Variants in ZBED4 observed in about 807,000 individuals in gnomAD.
ZBED4 encodes the protein zinc finger BED-type containing 4.
Under a neutral mutation model 15.5 loss-of-function variants are expected in ZBED4, and 4 were observed. The observed-to-expected ratio is 0.26, with a 90% CI of 0.13 to 0.59. The LOEUF is 0.59. Ranked by LOEUF, ZBED4 falls within the 20% of genes least tolerant of loss-of-function variation. ZBED4 has a pLI of 0.90. For synonymous variants in ZBED4, 692 were observed against 608.5 expected, an observed-to-expected ratio of 1.14 and a Z score of -2.02; for missense variants, 1,323 against 1,461.8, an observed-to-expected ratio of 0.91 and a Z score of 1.55.
At chr22:49,862,217 C>A (rs117968494) in intron 1 of ZBED4, among the ~76,000 whole-genome samples, 1,559 of 152,326 alleles carry the variant, frequency 0.01, 18 homozygotes, top group South Asian at 0.067. Context: ...TGCGTGGAAC[C>A]TATACGGAGC....
intron 1 of ZBED4, among the ~76,000 whole-genome samples, chr22:49,864,665 T>A (rs1010273064): frequency 6.6e-6 from 1 of 151,654 alleles, no homozygotes; most frequent in Admixed American, 6.6e-5. Context: ...AAAAATGTTT[T>A]AAAATATTAG....
intron 1 of ZBED4, among the ~76,000 whole-genome samples, chr22:49,865,114 C>T (rs2060316003): frequency 1.3e-5 from 2 of 152,040 alleles, no homozygotes; most frequent in Non-Finnish European, 2.9e-5. Context: ...TTGTGTGAAC[C>T]TCATAGAGTG....
intron 1 of ZBED4, among the ~76,000 whole-genome samples, chr22:49,858,047 G>T (rs1003406793): frequency 6.6e-6 from 1 of 152,126 alleles, no homozygotes; most frequent in Non-Finnish European, 1.5e-5. Context: ...GACTACAGGC[G>T]TGAGCCACCG....
At chr22:49,881,935 A>T (rs1466192576) in intron 1 of ZBED4, among the ~76,000 whole-genome samples, 1 of 152,202 alleles carries the variant, frequency 6.6e-6, no homozygotes, top group Non-Finnish European at 1.5e-5. Context: ...GGGAGCTAGC[A>T]GTTTTTATTA....
In ZBED4 at chr22:49,864,839, A is replaced by AAAAAG. The variant is rs1555922729; in HGVS notation, c.-330+10850_-330+10851insAAAAG. 5.5e-3 allele frequency among the ~76,000 whole-genome samples: 727 copies of AAAAAG among 133,060 alleles called. 64 individuals carry two copies. The highest frequency in any genetic ancestry group is 0.024 in the African/African-American group (652 of 27,322). The allele number at this position is 133,060 out of a possible 152,430, so 87.3% of individuals were successfully genotyped here. A position where few individuals can be genotyped will look rare whatever the true frequency, so the allele number is the denominator to read the frequency against. On this transcript the variant is annotated intron_variant, in intron 1 of 1. Transcript: ENST00000216268. Reference sequence around the variant, plus strand: ...TGTCTCCAAAAAAAAAAAAAAAAAAAGCCCTGATTAAACCGTCGTAGAGCT... The same window carrying AAAAAG: ...TGTCTCCAAAAAAAAAAAAAAAAAAAAAAAGGCCCTGATTAAACCGTCGTAGAGCT...
At position 49,885,577 on chromosome 22, in the gene ZBED4, T is replaced by C; in HGVS notation, c.1915T>C (p.Ser639Pro). ...VPRGTELSGA[S>P]SFDDTNEKFY... ...GCGGGGCACAGAATTATCAGGCGCTTCCTCTTTTGATGACACCAATGAGAA... is the reference window on the plus strand; with the variant it reads ...GCGGGGCACAGAATTATCAGGCGCTCCCTCTTTTGATGACACCAATGAGAA... Residue 639 changes from serine to proline, a missense_variant, in exon 2 of 2, where the codon TCC (serine) becomes CCC (proline). Transcript: ENST00000216268. The C allele has an allele frequency of 6.2e-7, 1 of 1,603,344 alleles. No homozygotes were observed. The highest frequency in any genetic ancestry group is 8.5e-7 in the Non-Finnish European group (1 of 1,171,670).
At chr22:49,870,822 C>T (rs1298312560) in intron 1 of ZBED4, among the ~76,000 whole-genome samples, 2 of 151,980 alleles carry the variant, frequency 1.3e-5, no homozygotes, top group East Asian at 3.9e-4. Flanking sequence ...TGCAGAGGCT[C>T]TTTAGTTAGG....
At position 49,888,269 on chromosome 22, in the gene ZBED4, A is replaced by G. The variant is rs4624; in HGVS notation, c.*1091A>G. ...AAAAAGATTCATTTTCTCATTTTAA[A>G]CCAATTAAATATTCTGAGTGAGACT... is the stretch of plus-strand genomic sequence containing the variant. On this transcript the variant is annotated 3_prime_UTR_variant, in exon 2 of 2. Coordinates refer to ENST00000216268, the MANE Select transcript of ZBED4 (RefSeq NM_014838.3). 0.66 allele frequency: 110,206 copies of G among 166,866 alleles called. 40,838 individuals are homozygous for G. The highest frequency in any genetic ancestry group is 0.85 in the East Asian group (4,544 of 5,328). The allele number at this position is 166,866 out of a possible 1,614,324, so 10.3% of individuals were successfully genotyped here. A position where few individuals can be genotyped will look rare whatever the true frequency, so the allele number is the denominator to read the frequency against.
chr22:49,865,084 G>A (rs575343744), intron 1 of ZBED4, among the ~76,000 whole-genome samples: 22 of 152,028 alleles, frequency 1.4e-4, no homozygotes, highest in Admixed American at 1.1e-3. Context: ...TGAGAAATGC[G>A]TTACTCAGCG....
chr22:49,879,015 C>T (rs548511848), intron 1 of ZBED4, among the ~76,000 whole-genome samples: 5 of 149,492 alleles, frequency 3.3e-5, no homozygotes, highest in African/African-American at 4.9e-5. Context: ...TGTGGTGGCG[C>T]GTGCCTGTAG....
At chr22:49,874,174 T>C (rs4824106) in intron 1 of ZBED4, among the ~76,000 whole-genome samples, 97,826 of 152,078 alleles carry the variant, frequency 0.64, 35,663 homozygotes, top group East Asian at 0.85. Flanking sequence ...CTGTATAGAA[T>C]ATGCCGAGGG....
Position 49,884,756 on chromosome 22 carries a change from C to T in ZBED4, c.1094C>T (p.Pro365Leu), listed in dbSNP as rs143906560. 286 of 1,595,544 alleles carry T rather than the reference C, an allele frequency of 1.8e-4. No homozygotes were observed. The highest frequency in any genetic ancestry group is 4.3e-4 in the Admixed American group (25 of 58,780). ...PPTLLPSLLP[P>L]EGELSSVSSS... is the part of the protein sequence containing the mutation. ...ACTCTGCTGCCTTCCTTGCTGCCGC[C>T]GGAGGGGGAGCTCAGCTCTGTGTCC... is the stretch of plus-strand genomic sequence containing the variant. Residue 365 changes from proline (P) to leucine (L), a missense_variant, in exon 2 of 2, where the codon CCG becomes CTG. Around this residue, in one of 6 missense-constraint regions of ZBED4, gnomAD observed 429 missense variants for 397.9 expected, o/e 1.08. Coordinates refer to ENST00000216268, the MANE Select transcript of ZBED4 (RefSeq NM_014838.3).
intron 1 of ZBED4, among the ~76,000 whole-genome samples, chr22:49,868,777 C>T (rs989141118): frequency 3.3e-5 from 5 of 151,892 alleles, no homozygotes; most frequent in Non-Finnish European, 7.4e-5. Flanking sequence ...GGAAATCTGC[C>T]AGGAGGGTGG....
intron 1 of ZBED4, among the ~76,000 whole-genome samples, chr22:49,862,872 T>C (rs1412442062): frequency 2.0e-5 from 3 of 151,928 alleles, no homozygotes; most frequent in Admixed American, 2.0e-4. Flanking sequence ...TGGCTAATTT[T>C]TGTAGTTTTA....
At chr22:49,865,426 A>G (rs1415077741) in intron 1 of ZBED4, among the ~76,000 whole-genome samples, 1 of 151,972 alleles carries the variant, frequency 6.6e-6, no homozygotes, top group Non-Finnish European at 1.5e-5. Flanking sequence ...AGGCGGGCGG[A>G]ACTCCTGAGT....
chr22:49,863,191 G>C (rs2060305290), intron 1 of ZBED4, among the ~76,000 whole-genome samples: 1 of 152,102 alleles, frequency 6.6e-6, no homozygotes. Context: ...TGGTTGGTTG[G>C]TTGGTTGGTT....
rs995253622 is a variant in ZBED4, at chr22:49,878,256, C to T, written c.-329-5078C>T. Among the ~76,000 whole-genome samples, 11 of 143,286 alleles carry T rather than the reference C, an allele frequency of 7.7e-5. 1 individual carries two copies. The highest frequency in any genetic ancestry group is 1.5e-4 in the Admixed American group (2 of 13,274). 94.0% of individuals were successfully genotyped at this position (143,286 alleles called of 152,430 possible). A position where few individuals can be genotyped will look rare whatever the true frequency, so the allele number is the denominator to read the frequency against. On this transcript the variant is annotated intron_variant, in intron 1 of 1. Coordinates refer to ENST00000216268, the MANE Select transcript of ZBED4 (RefSeq NM_014838.3). ...GGAGGCGGAGGTTACAGTGAGCCAA[C>T]GCACCACTGCACTCCAACCTGGGTG...
At chr22:49,863,964 C>G (rs541027537) in intron 1 of ZBED4, among the ~76,000 whole-genome samples, 1 of 152,324 alleles carries the variant, frequency 6.6e-6, no homozygotes, top group African/African-American at 2.4e-5. Flanking sequence ...TTCCTGAACT[C>G]TCTCAGAGGT....
At chr22:49,871,152 G>A (rs1365806464) in intron 1 of ZBED4, among the ~76,000 whole-genome samples, 1 of 4,326 alleles carries the variant, frequency 2.3e-4, no homozygotes, top group Non-Finnish European at 4.0e-4. Flanking sequence ...TGTTGGCCAG[G>A]CTGGTCTCAA....
Sources: allele counts gnomAD v4.1 joint callset (sites outside exome capture counted in the v4.1 genomes callset), GRCh38; gene constraint gnomAD v4.1.1; regional missense constraint gnomAD v4.1.1; transcripts MANE v1.5; gene names NCBI Gene and HGNC (gene_info 2026-07-23, HGNC 2026-07-21).